Variants in LHX1 observed in about 807,000 individuals in gnomAD.
The protein encoded by LHX1 is LIM homeobox 1, also known as LIM/homeobox protein Lhx1.
In LHX1, 9 loss-of-function variants were observed where a neutral mutation model predicts 34.1. The ratio of observed to expected loss-of-function variants is 0.26; its 90% CI spans 0.16 to 0.46. The LOEUF is 0.46. Ranked by LOEUF, LHX1 falls within the 20% of genes least tolerant of loss-of-function variation. LHX1 has a pLI of 1.00. For missense variants in LHX1, 446 were observed against 559.1 expected, an observed-to-expected ratio of 0.80 and a Z score of 2.04; for synonymous variants, 254 against 241.5, an observed-to-expected ratio of 1.05 and a Z score of -0.48.
Position 36,943,317 on chromosome 17 carries a change from G to C in LHX1, c.*186G>C. 1.5e-6 allele frequency: 1 copy of C among 688,412 alleles called. No homozygotes were observed. The highest frequency in any genetic ancestry group is 3.0e-5 in the East Asian group (1 of 33,726). 42.6% of individuals were successfully genotyped at this position (688,412 alleles called of 1,614,324 possible). On this transcript the variant is annotated 3_prime_UTR_variant, in exon 5 of 5. Transcript: ENST00000614239. ...GAAATAGGATCCAAATCGGCCTCGA[G>C]GTGGGACTGGGATCCGCGCACTGGC...
chr17:36,942,486 G>A (rs1344554105), intron 4 of LHX1, 121 bp downstream of exon 4: 8 of 1,103,106 alleles, frequency 7.3e-6, no homozygotes, highest in Admixed American at 4.9e-5. Context: ...GGGCGAGTAG[G>A]GAGAAGGCTG....
At position 36,940,729 on chromosome 17, in the gene LHX1, G is replaced by C. The variant is rs201521937; in HGVS notation, c.517G>C (p.Asp173His). 43 of 1,613,606 alleles carry C rather than the reference G, an allele frequency of 2.7e-5. No individual in the cohort carries two copies. The highest frequency in any genetic ancestry group is 1.9e-5 in the Non-Finnish European group (23 of 1,180,054). Reference protein sequence around the residue: ...DKEAGSNENDDQNLGAKRRGP... With the variant: ...DKEAGSNENDHQNLGAKRRGP... Reference sequence around the variant, plus strand: ...GGAAGCGGGTAGCAACGAGAATGACGACCAGAACCTGGGCGCCAAGCGGCG... The same window carrying C: ...GGAAGCGGGTAGCAACGAGAATGACCACCAGAACCTGGGCGCCAAGCGGCG... Residue 173 changes from aspartate (D) to histidine (H), a missense_variant, in exon 3 of 5, where the codon GAC becomes CAC. This residue lies in a region of LHX1 where 168 missense variants were observed against 226.6 expected (regional missense o/e 0.74). Coordinates refer to ENST00000614239, the MANE Select transcript of LHX1 (RefSeq NM_005568.5).
rs1434258763 is a variant in LHX1 at position 36,937,623 on chromosome 17, T to G, written c.-575T>G. ...ATCCAAAGCTTCTCTGCTCCTTTTG[T>G]TCTTTCCTTCCCTTTTTTAAAAAAA... On this transcript the variant is annotated 5_prime_UTR_variant, in exon 1 of 5. Transcript: ENST00000614239. 3.0e-6 allele frequency: 1 copy of G among 337,030 alleles called. No individual in the cohort carries two copies. The highest frequency in any genetic ancestry group is 8.9e-5 in the East Asian group (1 of 11,228). 20.9% of individuals were successfully genotyped at this position (337,030 alleles called of 1,614,324 possible). A position where few individuals can be genotyped will look rare whatever the true frequency, so the allele number is the denominator to read the frequency against.
intron 1 of LHX1, 32 bp from the exon 2 acceptor site, chr17:36,940,258 C>CGGGGGGGGGGGGGGGGGGCGGGG: frequency 1.9e-6 from 1 of 528,910 alleles, no homozygotes; most frequent in East Asian, 3.5e-5. Context: ...GACCCATCCC[C>CGGGGGGGGGGGGGGGGGGCGGGG]GCCCCCGCCC....
chr17:36,937,303 T>G (rs973708288), upstream of LHX1: 6 of 423,894 alleles, frequency 1.4e-5, no homozygotes, highest in South Asian at 6.6e-5. Context: ...AGGGTCGCCC[T>G]GAGGACACGG....
At chr17:36,940,937 T>C (rs2070761246) in intron 3 of LHX1, 50 bp downstream of exon 3, 2 of 1,544,334 alleles carry the variant, frequency 1.3e-6, no homozygotes, top group East Asian at 4.8e-5. Context: ...CACTGCCACT[T>C]TGGGCACCCA....
At chr17:36,939,427 C>T (rs2070749980) in intron 1 of LHX1, among the ~76,000 whole-genome samples, 2 of 152,190 alleles carry the variant, frequency 1.3e-5, no homozygotes, top group South Asian at 2.1e-4. Context: ...ACGCGCTGTC[C>T]CCAGTGCCGC....
At position 36,940,595 on chromosome 17, in the gene LHX1, T is replaced by C. The variant is rs575538233; in HGVS notation, c.398-15T>C. The C allele has an allele frequency of 3.7e-6, 6 of 1,613,696 alleles. No homozygotes were observed. In the Admixed American group the frequency reaches 1.0e-4, roughly 27 times the overall value. ...GCTCGCCAAGGCCCCGGCTCATCTGTCCTTTCCCTCTTAGCCACCACGGGC... is the reference window on the plus strand; with the variant it reads ...GCTCGCCAAGGCCCCGGCTCATCTGCCCTTTCCCTCTTAGCCACCACGGGC... On this transcript the variant is annotated splice_polypyrimidine_tract_variant and intron_variant, in intron 2 of 4. Transcript: ENST00000614239.
chr17:36,941,293 C>T (rs1485834060), intron 3 of LHX1: 1 of 405,498 alleles, frequency 2.5e-6, no homozygotes, highest in Non-Finnish European at 4.7e-6. Flanking sequence ...GTGAACTCTT[C>T]CTAAGTCTGC....
In LHX1 at chr17:36,943,868, C is replaced by A. The variant is rs1415474604; in HGVS notation, c.*737C>A. The A allele has an allele frequency of 6.6e-6, 1 of 150,956 alleles. No individual in the cohort carries two copies. Among genetic ancestry groups the A allele is most frequent in the East Asian group, 1.9e-4 (1 of 5,176 alleles). 9.4% of individuals were successfully genotyped at this position (150,956 alleles called of 1,614,324 possible). ...GGTAAGATGGTCTCCAGCCAGACCG[C>A]TCAGTAAAATGACTTGAACATCAGC... On this transcript the variant is annotated 3_prime_UTR_variant, in exon 5 of 5. Coordinates refer to ENST00000614239, the MANE Select transcript of LHX1 (RefSeq NM_005568.5).
In LHX1 at chr17:36,943,125, G is replaced by A. The variant is rs368870359; in HGVS notation, c.1215G>A (p.Val405=). The change falls in exon 5 of 5, where the codon GTG becomes GTA. Residue 405 remains valine, a synonymous_variant. Coordinates refer to ENST00000614239, the MANE Select transcript of LHX1 (RefSeq NM_005568.5). The stretch of plus-strand genomic sequence containing the variant: ...CCCCCGAAATGAACGAGGCGGCCGT[G>A]TGGTAGCGGGGTCTCGCACGGTCTG... ...SHPPEMNEAA[V]W 2.2e-4 allele frequency: 359 copies of A among 1,612,402 alleles called. 7 individuals are homozygous for A. The South Asian group carries it at 3.9e-3, about 17-fold the overall frequency.
At position 36,942,385 on chromosome 17, in the gene LHX1, C is replaced by A. The variant is rs963014837; in HGVS notation, c.841+20C>A. 6.4e-7 allele frequency: 1 copy of A among 1,566,582 alleles called. No homozygotes were observed. Among genetic ancestry groups the A allele is most frequent in the Middle Eastern group, 1.9e-4 (1 of 5,260 alleles). On this transcript the variant is annotated intron_variant, in intron 4 of 4. Coordinates refer to ENST00000614239, the MANE Select transcript of LHX1 (RefSeq NM_005568.5). Reference sequence around the variant, plus strand: ...ACGGAGGTGGGTGCGCGCCGAATGGCGGGGCGCGGCCAGGTCGGGGCGGGC... The same window carrying A: ...ACGGAGGTGGGTGCGCGCCGAATGGAGGGGCGCGGCCAGGTCGGGGCGGGC...
In LHX1 at chr17:36,943,746, C is replaced by G. The variant is rs1186281500; in HGVS notation, c.*615C>G. The G allele has an allele frequency of 1.3e-5, 2 of 151,602 alleles. No homozygotes were observed. Among genetic ancestry groups the G allele is most frequent in the African/African-American group, 2.4e-5 (1 of 41,278 alleles). 9.4% of individuals were successfully genotyped at this position (151,602 alleles called of 1,614,324 possible). On this transcript the variant is annotated 3_prime_UTR_variant, in exon 5 of 5. Transcript: ENST00000614239. ...CTGGATTTTTGGTTTTTGTTTTTGCCAAAATTGCAAAATTCTAAATGTAAA... is the reference window on the plus strand; with the variant it reads ...CTGGATTTTTGGTTTTTGTTTTTGCGAAAATTGCAAAATTCTAAATGTAAA...
chr17:36,939,985 A>G (rs2070753770), intron 1 of LHX1: 1 of 554,296 alleles, frequency 1.8e-6, no homozygotes, highest in South Asian at 2.2e-5. Flanking sequence ...CCTCTGGGAT[A>G]ACGCTGGGAG....
At chr17:36,942,096 C>T in intron 3 of LHX1, 104 bp from the exon 4 acceptor site, 4 of 1,203,708 alleles carry the variant, frequency 3.3e-6, no homozygotes, top group South Asian at 1.3e-5. Context: ...CGCGCGCGCG[C>T]GGTGTCGGCT....
At position 36,942,897 on chromosome 17, in the gene LHX1, C is replaced by A; in HGVS notation, c.987C>A (p.His329Gln). 1 of 1,596,312 alleles carries A rather than the reference C, an allele frequency of 6.3e-7. No homozygotes were observed. Among genetic ancestry groups the A allele is most frequent in the Non-Finnish European group, 8.5e-7 (1 of 1,171,500 alleles). The change falls in exon 5 of 5, where the codon CAC (histidine) becomes CAA (glutamine). Residue 329 changes from histidine (H) to glutamine (Q), a missense_variant. By Grantham distance (24) the His-to-Gln change is conservative (BLOSUM62 0). Around this residue, in one of 3 missense-constraint regions of LHX1, gnomAD observed 235 missense variants for 224.4 expected, o/e 1.05. Transcript: ENST00000614239. ...GGACGCCCCTGGGTGGCCTGGAGCA[C>A]CCGCTGCCGGGCCACCACCCGTCGA... ...PSGTPLGGLE[H>Q]PLPGHHPSSE...
rs2070787765 is a variant in LHX1 at position 36,944,190 on chromosome 17, A to G, written c.*1059A>G. 1 of 152,064 alleles carries G rather than the reference A, an allele frequency of 6.6e-6. No individual in the cohort carries two copies. The highest frequency in any genetic ancestry group is 2.1e-4 in the South Asian group (1 of 4,828). 9.4% of individuals were successfully genotyped at this position (152,064 alleles called of 1,614,324 possible). A position where few individuals can be genotyped will look rare whatever the true frequency, so the allele number is the denominator to read the frequency against. Reference sequence around the variant, plus strand: ...GAGGCAAAGAGAAAACATGCTATTCAGACAGTTGCCAAATAGAATAATTAT... The same window carrying G: ...GAGGCAAAGAGAAAACATGCTATTCGGACAGTTGCCAAATAGAATAATTAT... On this transcript the variant is annotated 3_prime_UTR_variant, in exon 5 of 5. Transcript: ENST00000614239.
rs2070786865 is a variant in LHX1 at position 36,944,044 on chromosome 17, G to A, written c.*913G>A. On this transcript the variant is annotated 3_prime_UTR_variant, in exon 5 of 5. Transcript: ENST00000614239. Reference sequence around the variant, plus strand: ...TATCCTGTTTTGAAACCTCTTGTTCGAAAACAAAATGTTTTGAGCAATCAA... The same window carrying A: ...TATCCTGTTTTGAAACCTCTTGTTCAAAAACAAAATGTTTTGAGCAATCAA... 6.6e-6 allele frequency: 1 copy of A among 151,580 alleles called. No individual in the cohort carries two copies. The highest frequency in any genetic ancestry group is 1.5e-5 in the Non-Finnish European group (1 of 67,938). The allele number at this position is 151,580 out of a possible 1,614,324, so 9.4% of individuals were successfully genotyped here.
At chr17:36,938,559 C>G (rs968073968) in intron 1 of LHX1, 192 bp downstream of exon 1, 4 of 680,716 alleles carry the variant, frequency 5.9e-6, no homozygotes, top group Non-Finnish European at 8.0e-6. Context: ...CTGCTTGCAT[C>G]CTGGAAACTA....
Sources: gnomAD v4.1 joint callset for allele counts (sites outside exome capture counted in the v4.1 genomes callset) on GRCh38, gnomAD v4.1.1 for gene constraint, gnomAD v4.1.1 regional missense constraint, MANE v1.5 for transcripts, NCBI Gene and HGNC (gene_info 2026-07-23, HGNC 2026-07-21) for gene names.